FIBCD1: variants seen among roughly 807,000 people sequenced by gnomAD.
FIBCD1 encodes fibrinogen C domain containing 1.
FIBCD1 carries 47 observed loss-of-function variants against 45.1 expected under a neutral mutation model. The observed-to-expected ratio is 1.04, with a 90% CI of 0.82 to 1.33. The LOEUF (loss-of-function observed/expected upper bound fraction) is 1.33, where lower values mean the gene tolerates loss of function less well. FIBCD1 is among the 40% of genes most tolerant of loss of function. The pLI is 0.00. For synonymous variants in FIBCD1, 313 were observed against 308.1 expected (o/e 1.02, Z -0.17); for missense variants, 653 against 682.2 (o/e 0.96, Z 0.48).
chr9:130,913,237 T>C (rs975774943), intron 4 of FIBCD1, among the ~76,000 whole-genome samples: 5 of 142,796 alleles, frequency 3.5e-5, no homozygotes, highest in African/African-American at 1.3e-4. Flanking sequence ...CCCAGCCCTC[T>C]TTCTGTTTAA....
intron 5 of FIBCD1, among the ~76,000 whole-genome samples, chr9:130,910,519 G>A (rs1471276699): frequency 2.6e-5 from 4 of 152,238 alleles, no homozygotes; most frequent in Non-Finnish European, 4.4e-5. Context: ...CACACGGCGC[G>A]GGACTGGCAG....
chr9:130,929,998 C>G lies in FIBCD1; in HGVS notation c.121G>C (p.Val41Leu). 1 of 1,536,432 alleles carries G rather than the reference C, an allele frequency of 6.5e-7. No individual in the cohort carries two copies. The highest frequency in any genetic ancestry group is 1.2e-5 in the South Asian group (1 of 80,670). ...CCGGTGACAGCTACAGCCAGCAGCA[C>G]AGCCAGGGCCAGCAGCACGGTGCAC... Reference protein sequence around the residue: ...VLCTVLLALAVLLAVAVTGAV... With the variant: ...VLCTVLLALALLLAVAVTGAV... Residue 41 changes from valine to leucine, a missense_variant, in exon 2 of 7, where the codon GTG (valine) becomes CTG (leucine). By Grantham distance (32) the Val-to-Leu change is conservative. Transcript: ENST00000372338.
chr9:130,912,884 GCACCCCCCA>G (rs1832087219), intron 4 of FIBCD1, among the ~76,000 whole-genome samples: 1 of 151,984 alleles, frequency 6.6e-6, no homozygotes, highest in Non-Finnish European at 1.5e-5. Flanking sequence ...AGAACCAAGA[GCACCCCCCA>G]CACACCCCAG....
chr9:130,919,871 C>T (rs1373328295), intron 4 of FIBCD1, among the ~76,000 whole-genome samples: 1 of 151,614 alleles, frequency 6.6e-6, no homozygotes, highest in East Asian at 1.9e-4. Context: ...GTGTGTGACC[C>T]CAGCCAGTGA....
intron 4 of FIBCD1, 146 bp from the exon 5 acceptor site, chr9:130,912,034 G>A (rs574982274): frequency 1.3e-4 from 88 of 665,728 alleles, no homozygotes; most frequent in Admixed American, 2.0e-4. Context: ...CCCACTTCCC[G>A]CAACGGCCCC....
chr9:130,911,110 T>C (rs1051694203), intron 5 of FIBCD1, among the ~76,000 whole-genome samples: 3 of 152,138 alleles, frequency 2.0e-5, no homozygotes, highest in Non-Finnish European at 4.4e-5. Context: ...CTGTGGAAGC[T>C]TTGTTCTTTC....
chr9:130,929,768 C>G lies in FIBCD1; in HGVS notation c.351G>C (p.Gln117His). 6.4e-7 allele frequency: 1 copy of G among 1,560,306 alleles called. No individual in the cohort carries two copies. ...GCTGGGCCTGGTGCTCTGTCAGCGC[C>G]TGCAGCACCGAGGCCTGGGCGCTCT... ...RLESAQASVLQALTEHQAQPR... is the reference protein window; with the variant it reads ...RLESAQASVLHALTEHQAQPR... The change falls in exon 2 of 7, where the codon CAG (glutamine) becomes CAC (histidine). Residue 117 changes from glutamine to histidine, a missense_variant. Physicochemically the swap from Gln to His is conservative, Grantham distance 24. Transcript: ENST00000372338.
chr9:130,917,170 C>A (rs1399175987), intron 4 of FIBCD1, among the ~76,000 whole-genome samples: 4 of 152,146 alleles, frequency 2.6e-5, no homozygotes, highest in African/African-American at 4.8e-5. Context: ...CATTTTCAGG[C>A]CAAAATATGA....
intron 2 of FIBCD1, among the ~76,000 whole-genome samples, chr9:130,928,728 C>T (rs1027031358): frequency 2.6e-5 from 4 of 152,012 alleles, no homozygotes; most frequent in Admixed American, 2.6e-4. Flanking sequence ...ATCTGAGTCA[C>T]CGGGAGAACG....
chr9:130,923,321 A>T (rs1051562223), intron 4 of FIBCD1, among the ~76,000 whole-genome samples: 2 of 151,340 alleles, frequency 1.3e-5, no homozygotes, highest in African/African-American at 4.9e-5. Context: ...CTCCAGCCAC[A>T]CTCCTCCTTT....
Position 130,929,887 on chromosome 9 carries a change from C to T in FIBCD1, c.232G>A (p.Ala78Thr), listed in dbSNP as rs1461035528. 16 of 1,549,398 alleles carry T rather than the reference C, an allele frequency of 1.0e-5. No homozygotes were observed. Among genetic ancestry groups the T allele is most frequent in the Admixed American group, 2.0e-5 (1 of 50,962 alleles). The change falls in exon 2 of 7, where the codon GCC (alanine) becomes ACC (threonine). Residue 78 changes from alanine (A) to threonine (T), a missense_variant. Transcript: ENST00000372338. ...TCCGCCCTTTCCACAGTGACCAGGGCGCTGTTGGCGCTGGCAGCCCCAGTG... is the reference window on the plus strand; with the variant it reads ...TCCGCCCTTTCCACAGTGACCAGGGTGCTGTTGGCGCTGGCAGCCCCAGTG... ...VSTGAASANSALVTVERADSS... is the reference protein window; with the variant it reads ...VSTGAASANSTLVTVERADSS...
chr9:130,938,488 A>G, intron 1 of FIBCD1, 48 bp downstream of exon 1: 1 of 1,433,936 alleles, frequency 7.0e-7, no homozygotes, highest in South Asian at 1.4e-5. Context: ...CCGAGCGGCC[A>G]CCGCCTGGCC....
intron 4 of FIBCD1, among the ~76,000 whole-genome samples, chr9:130,921,301 G>C (rs1832256673): frequency 6.6e-6 from 1 of 152,266 alleles, no homozygotes; most frequent in Admixed American, 6.5e-5. Flanking sequence ...TCCAGGGCTG[G>C]AGAGGTGGCA....
chr9:130,938,485 G>A (rs965313931), intron 1 of FIBCD1, 51 bp downstream of exon 1: 154 of 1,425,706 alleles, frequency 1.1e-4, no homozygotes, highest in Admixed American at 1.7e-4. Context: ...GGCCCGAGCG[G>A]CCACCGCCTG....
chr9:130,911,016 G>A (rs549380911), intron 5 of FIBCD1, among the ~76,000 whole-genome samples: 1 of 152,334 alleles, frequency 6.6e-6, no homozygotes, highest in Admixed American at 6.5e-5. Context: ...CTACCAAGCA[G>A]CAGGATGTGG....
chr9:130,938,302 G>T, intron 1 of FIBCD1: 1 of 422,588 alleles, frequency 2.4e-6, no homozygotes, highest in Non-Finnish European at 4.2e-6. Context: ...GGACGCGGGA[G>T]ACCTGGCCCG....
intron 1 of FIBCD1, among the ~76,000 whole-genome samples, chr9:130,933,436 A>T (rs1405535741): frequency 6.6e-6 from 1 of 152,156 alleles, no homozygotes; most frequent in African/African-American, 2.4e-5. Flanking sequence ...GCAAGTGAGC[A>T]GGAGAGAGAC....
In FIBCD1 at chr9:130,929,553, G is replaced by C; in HGVS notation, c.552+14C>G. ...GCCTCCAGCAAGACCCCAAGATGCA[G>C]ACCCCAGCCCTACCTGGATGAGGCG... On this transcript the variant is annotated intron_variant, in intron 2 of 6. Coordinates refer to ENST00000372338, the MANE Select transcript of FIBCD1 (RefSeq NM_032843.5). 1 of 1,494,562 alleles carries C rather than the reference G, an allele frequency of 6.7e-7. No individual in the cohort carries two copies. Among genetic ancestry groups the C allele is most frequent in the African/African-American group, 1.4e-5 (1 of 70,146 alleles). The allele number at this position is 1,494,562 out of a possible 1,614,324, so 92.6% of individuals were successfully genotyped here. A position where few individuals can be genotyped will look rare whatever the true frequency, so the allele number is the denominator to read the frequency against.
rs1013640763 is a variant in FIBCD1 at position 130,917,056 on chromosome 9, C to T, written c.850-5168G>A. The stretch of plus-strand genomic sequence containing the variant: ...GAGGTTGCAGCGAGCCAAGATCACA[C>T]CACTGCACTCCAGCCTGGGCAACAG... On this transcript the variant is annotated intron_variant, in intron 4 of 6. Coordinates refer to ENST00000372338, the MANE Select transcript of FIBCD1 (RefSeq NM_032843.5). 8.5e-5 allele frequency among the ~76,000 whole-genome samples: 13 copies of T among 152,328 alleles called. 1 individual carries two copies. The highest frequency in any genetic ancestry group is 2.1e-4 in the South Asian group (1 of 4,828).
Sources: allele counts gnomAD v4.1 joint callset (sites outside exome capture counted in the v4.1 genomes callset), GRCh38; gene constraint gnomAD v4.1.1; transcripts MANE v1.5; gene names NCBI Gene and HGNC (gene_info 2026-07-23, HGNC 2026-07-21).